Variants in SLC6A11 observed in about 807,000 individuals in gnomAD.
The protein encoded by SLC6A11 is sodium- and chloride-dependent GABA transporter 3.
In SLC6A11, 25 loss-of-function variants were observed where a neutral mutation model predicts 74.8. That is an observed-to-expected ratio of 0.33 (90% confidence interval 0.24 to 0.47). SLC6A11 has a LOEUF of 0.47. Among genes scored for constraint, SLC6A11 ranks in the 20% least tolerant of loss-of-function variants. The pLI is 1.00. For synonymous variants in SLC6A11, 330 were observed against 330.2 expected (o/e 1.00, Z 0.01); for missense variants, 574 against 837.0 (o/e 0.69, Z 3.88).
intron 7 of SLC6A11, among the ~76,000 whole-genome samples, chr3:10,914,438 A>G (rs964187809): frequency 1.3e-5 from 2 of 152,232 alleles, no homozygotes; most frequent in Admixed American, 6.5e-5. Context: ...GGCACAGCCT[A>G]TAGAGTTTGT....
chr3:10,870,950 T>C (rs1386116693), intron 5 of SLC6A11, among the ~76,000 whole-genome samples: 1 of 152,208 alleles, frequency 6.6e-6, no homozygotes, highest in African/African-American at 2.4e-5. Context: ...TCTTTTCCCT[T>C]GGTTTATGGT....
intron 6 of SLC6A11, among the ~76,000 whole-genome samples, chr3:10,892,822 C>T (rs79166163): frequency 6.6e-5 from 10 of 152,226 alleles, no homozygotes; most frequent in African/African-American, 1.7e-4. Flanking sequence ...AGAAACTGCA[C>T]GTCTCCAAGG....
chr3:10,831,776 G>A (rs879318395), intron 4 of SLC6A11, among the ~76,000 whole-genome samples: 2 of 152,228 alleles, frequency 1.3e-5, no homozygotes, highest in Non-Finnish European at 2.9e-5. Flanking sequence ...TCCTGTTTGT[G>A]TAACGAATCC....
At chr3:10,852,970 C>T (rs1694594736) in intron 5 of SLC6A11, among the ~76,000 whole-genome samples, 1 of 152,132 alleles carries the variant, frequency 6.6e-6, no homozygotes, top group South Asian at 2.1e-4. Context: ...AGCTGGGAGT[C>T]AGGAGCCCTG....
intron 6 of SLC6A11, among the ~76,000 whole-genome samples, chr3:10,886,027 T>A (rs1695038367): frequency 6.6e-6 from 1 of 152,166 alleles, no homozygotes; most frequent in Non-Finnish European, 1.5e-5. Flanking sequence ...GACTGCATGC[T>A]ATGCTCAGAC....
intron 4 of SLC6A11, 127 bp from the exon 5 acceptor site, chr3:10,844,087 A>T: frequency 9.1e-7 from 1 of 1,104,070 alleles, no homozygotes; most frequent in Non-Finnish European, 1.3e-6. Flanking sequence ...TCCCCAGAGG[A>T]GACATTTGGC....
intron 5 of SLC6A11, among the ~76,000 whole-genome samples, chr3:10,851,603 C>G (rs1164623773): frequency 6.6e-6 from 1 of 152,226 alleles, no homozygotes; most frequent in Non-Finnish European, 1.5e-5. Flanking sequence ...GCACCTTCTT[C>G]CCTCCAGGCC....
At chr3:10,845,248 A>T (rs1694488738) in intron 5 of SLC6A11, among the ~76,000 whole-genome samples, 1 of 152,184 alleles carries the variant, frequency 6.6e-6, no homozygotes, top group Non-Finnish European at 1.5e-5. Flanking sequence ...ACACAGTGGC[A>T]TGTGTTTGAA....
rs1463585580 is a variant in SLC6A11, at chr3:10,940,071, A to G, written c.*1669A>G. On this transcript the variant is annotated 3_prime_UTR_variant, in exon 14 of 14. Coordinates refer to ENST00000254488, the MANE Select transcript of SLC6A11 (RefSeq NM_014229.3). ...AACCCCCAGCATCTCTGCTCTGGCC[A>G]GCCCTGATCTGAAGCCTGTGTCTAC... 3 of 152,302 alleles carry G rather than the reference A, an allele frequency of 2.0e-5. No homozygotes were observed. The highest frequency in any genetic ancestry group is 4.8e-5 in the African/African-American group (2 of 41,470). 9.4% of individuals were successfully genotyped at this position (152,302 alleles called of 1,614,324 possible). A position where few individuals can be genotyped will look rare whatever the true frequency, so the allele number is the denominator to read the frequency against.
At chr3:10,866,448 TGCTGG>T in intron 5 of SLC6A11, among the ~76,000 whole-genome samples, 1 of 152,340 alleles carries the variant, frequency 6.6e-6, no homozygotes, top group South Asian at 2.1e-4. Context: ...GGAGACCACC[TGCTGG>T]GCTGTTCCCA....
At chr3:10,818,095 GGTT>G (rs931109947) in intron 1 of SLC6A11, among the ~76,000 whole-genome samples, 2 of 148,146 alleles carry the variant, frequency 1.4e-5, no homozygotes, top group African/African-American at 5.0e-5. Flanking sequence ...TAAAAAAAAA[GGTT>G]GTAGTGAGTA....
At chr3:10,863,896 T>C (rs1281475124) in intron 5 of SLC6A11, among the ~76,000 whole-genome samples, 1 of 152,110 alleles carries the variant, frequency 6.6e-6, no homozygotes, top group Non-Finnish European at 1.5e-5. Context: ...GTTGAATGGC[T>C]CTGAGCTTGA....
At chr3:10,844,951 A>T (rs1694485194) in intron 5 of SLC6A11, among the ~76,000 whole-genome samples, 1 of 152,222 alleles carries the variant, frequency 6.6e-6, no homozygotes, top group Non-Finnish European at 1.5e-5. Flanking sequence ...GCTGTTGGCC[A>T]GAACCTGAGA....
chr3:10,909,416 G>A (rs983139008), intron 6 of SLC6A11, among the ~76,000 whole-genome samples: 9 of 152,170 alleles, frequency 5.9e-5, no homozygotes, highest in East Asian at 1.9e-4. Context: ...TTTGGGGGAC[G>A]TATCTGGGGC....
At chr3:10,925,970 C>A in intron 8 of SLC6A11, 34 bp from the exon 9 acceptor site, 2 of 1,204,668 alleles carry the variant, frequency 1.7e-6, no homozygotes, top group Non-Finnish European at 2.5e-6. Context: ...GATGGGACTC[C>A]ACCCAGTGGC....
At chr3:10,908,334 A>G (rs1695336990) in intron 6 of SLC6A11, among the ~76,000 whole-genome samples, 1 of 152,210 alleles carries the variant, frequency 6.6e-6, no homozygotes. Flanking sequence ...TGGAGGCTGT[A>G]GCTAATTTCA....
intron 4 of SLC6A11, among the ~76,000 whole-genome samples, chr3:10,836,922 C>T (rs565171264): frequency 1.4e-4 from 21 of 152,348 alleles, no homozygotes; most frequent in Non-Finnish European, 2.6e-4. Context: ...GTTGCTTTCA[C>T]CCTGCAGGAA....
chr3:10,894,310 T>C lies in SLC6A11; in HGVS notation c.892-17780T>C, dbSNP rs143846787. On this transcript the variant is annotated intron_variant, in intron 6 of 13. Coordinates refer to ENST00000254488, the MANE Select transcript of SLC6A11 (RefSeq NM_014229.3). ...ATGTGAGCAGGTGGCAATGTGACCC[T>C]GAAGGCTGGCAGGACCTGAGAGGTG... 1.6e-3 allele frequency among the ~76,000 whole-genome samples: 237 copies of C among 152,288 alleles called. 4 individuals are homozygous for C. Among genetic ancestry groups the C allele is most frequent in the African/African-American group, 5.4e-3 (223 of 41,566 alleles).
At chr3:10,919,759 T>C (rs767847085) in intron 8 of SLC6A11, among the ~76,000 whole-genome samples, 1 of 152,170 alleles carries the variant, frequency 6.6e-6, no homozygotes, top group Non-Finnish European at 1.5e-5. Flanking sequence ...ACAGGAACTG[T>C]TACACACATC....
Sources: gnomAD v4.1 joint callset for allele counts (sites outside exome capture counted in the v4.1 genomes callset) on GRCh38, gnomAD v4.1.1 for gene constraint, MANE v1.5 for transcripts, NCBI Gene and HGNC (gene_info 2026-07-23, HGNC 2026-07-21) for gene names.